TULP4: variants seen among roughly 807,000 people sequenced by gnomAD.
TULP4 encodes tubby-related protein 4.
A neutral mutation model predicts 129.0 loss-of-function variants in TULP4; 16 were observed. The observed-to-expected ratio is 0.12, with a 90% confidence interval of 0.08 to 0.19. The LOEUF (loss-of-function observed/expected upper bound fraction) is 0.19, where lower values mean the gene tolerates loss of function less well. Ranked by LOEUF, TULP4 falls within the 10% of genes least tolerant of loss-of-function variation. The pLI is 1.00. For missense variants in TULP4, 1,842 were observed against 2,059.1 expected (o/e 0.89, Z 2.04); for synonymous variants, 998 against 854.0 (o/e 1.17, Z -2.94).
At chr6:158,263,781 G>A (rs1778394156) in intron 1 of TULP4, among the ~76,000 whole-genome samples, 1 of 151,712 alleles carries the variant, frequency 6.6e-6, no homozygotes, top group Non-Finnish European at 1.5e-5. Flanking sequence ...AGCAACAACA[G>A]GCTGGGCGCG....
chr6:158,307,723 C>T (rs1269954750), upstream of TULP4, among the ~76,000 whole-genome samples: 2 of 152,080 alleles, frequency 1.3e-5, no homozygotes, highest in African/African-American at 4.8e-5. Flanking sequence ...CCTCTGGTGA[C>T]CCCCGCCTTG....
chr6:158,426,103 C>T (rs532906987), intron 2 of TULP4, among the ~76,000 whole-genome samples: 1 of 152,168 alleles, frequency 6.6e-6, no homozygotes, highest in African/African-American at 2.4e-5. Flanking sequence ...TTTAAGTATC[C>T]TTATAGATGC....
chr6:158,332,166 T>A (rs1355667730), intron 1 of TULP4, among the ~76,000 whole-genome samples: 1 of 48,702 alleles, frequency 2.1e-5, no homozygotes, highest in South Asian at 9.8e-4. Context: ...AGTAAGACTC[T>A]GTCAAAAAAA....
rs1402596308 is a variant in TULP4, at chr6:158,479,803, C to T, written c.1079C>T (p.Ala360Val). 1.2e-6 allele frequency: 2 copies of T among 1,614,020 alleles called. No homozygotes were observed. Among genetic ancestry groups the T allele is most frequent in the Non-Finnish European group, 1.7e-6 (2 of 1,180,016 alleles). ...CACCGGGATTCGAGGCTGTTGATGGCATCAGGACCAGCCCTGTACGTGGTG... is the reference window on the plus strand; with the variant it reads ...CACCGGGATTCGAGGCTGTTGATGGTATCAGGACCAGCCCTGTACGTGGTG... ...WGHRDSRLLM[A>V]SGPALYVVRV... The change falls in exon 7 of 14, where the codon GCA becomes GTA. Residue 360 changes from alanine (A) to valine (V), a missense_variant. Physicochemically the swap from Ala to Val is moderately conservative, Grantham distance 64 (BLOSUM62 0). Around this residue, in one of 5 missense-constraint regions of TULP4, gnomAD observed 456 missense variants for 534.3 expected, o/e 0.85. Coordinates refer to ENST00000367097, the MANE Select transcript of TULP4 (RefSeq NM_020245.5).
intron 2 of TULP4, among the ~76,000 whole-genome samples, chr6:158,415,466 C>T (rs1163552495): frequency 6.6e-6 from 1 of 150,652 alleles, no homozygotes; most frequent in Non-Finnish European, 1.5e-5. Flanking sequence ...TCTCCTGCTT[C>T]AGCCTCCTGA....
At chr6:158,258,403 A>G (rs193211666) in intron 1 of TULP4, among the ~76,000 whole-genome samples, 13 of 152,274 alleles carry the variant, frequency 8.5e-5, no homozygotes, top group Admixed American at 3.3e-4. Flanking sequence ...TGTTTTTCAT[A>G]TTATGACCCA....
chr6:158,242,565 C>A, intron 1 of TULP4: 2 of 737,662 alleles, frequency 2.7e-6, no homozygotes, highest in South Asian at 1.5e-5. Context: ...CCTGTACTCG[C>A]AATATGCCTT....
At chr6:158,478,986 G>T (rs550744026) in intron 6 of TULP4, among the ~76,000 whole-genome samples, 9 of 152,258 alleles carry the variant, frequency 5.9e-5, no homozygotes, top group African/African-American at 2.2e-4. Context: ...TGCAGTGACT[G>T]TGGGTTATAT....
intron 1 of TULP4, among the ~76,000 whole-genome samples, chr6:158,241,547 G>A (rs1056634898): frequency 5.9e-5 from 9 of 152,046 alleles, no homozygotes; most frequent in Admixed American, 2.0e-4. Context: ...GCTGGAGACC[G>A]CCCGGCCAAT....
chr6:158,451,680 A>G (rs1349153273), intron 4 of TULP4, among the ~76,000 whole-genome samples: 1 of 152,234 alleles, frequency 6.6e-6, no homozygotes, highest in Non-Finnish European at 1.5e-5. Context: ...GTAACATTCA[A>G]TGAAAGAGGA....
intron 3 of TULP4, among the ~76,000 whole-genome samples, chr6:158,444,061 A>T (rs1778968958): frequency 6.6e-6 from 1 of 151,484 alleles, no homozygotes; most frequent in Admixed American, 6.6e-5. Flanking sequence ...CTACTAAAAA[A>T]TACAAAAAAT....
chr6:158,453,210 G>A (rs1779202865), intron 5 of TULP4, among the ~76,000 whole-genome samples: 1 of 152,134 alleles, frequency 6.6e-6, no homozygotes, highest in African/African-American at 2.4e-5. Context: ...GCTCATGCCT[G>A]TAATCCCGGC....
chr6:158,401,080 G>T (rs112654393), intron 1 of TULP4, among the ~76,000 whole-genome samples: 9 of 143,200 alleles, frequency 6.3e-5, no homozygotes, highest in Non-Finnish European at 9.2e-5. Context: ...TGTTGTTGTT[G>T]TTGTTTTGTT....
At chr6:158,445,178 C>T (rs762637800) in intron 3 of TULP4, among the ~76,000 whole-genome samples, 2 of 152,126 alleles carry the variant, frequency 1.3e-5, no homozygotes, top group African/African-American at 2.4e-5. Flanking sequence ...CCAAACCCAG[C>T]GAGGCAGCCA....
intron 1 of TULP4, among the ~76,000 whole-genome samples, chr6:158,321,577 C>T (rs980242044): frequency 1.2e-4 from 19 of 152,162 alleles, no homozygotes; most frequent in African/African-American, 4.6e-4. Context: ...ACTGTTTCCC[C>T]ATTTTAGTAG....
In TULP4 at chr6:158,276,124, C is replaced by T. The variant is rs182443295; in HGVS notation, n.69-35927C>T. ...AGCTGGGATTACAGGTGCGCGCCAC[C>T]ATGCCCGGCTAGTTTTTGTGTTTTT... On this transcript the variant is annotated intron_variant and non_coding_transcript_variant, in intron 1 of 1. Coordinates refer to the TULP4 transcript ENST00000620026. Among the ~76,000 whole-genome samples the T allele has an allele frequency of 3.6e-3, 554 of 152,160 alleles. 1 individual carries two copies. The highest frequency in any genetic ancestry group is 6.8e-3 in the Middle Eastern group (2 of 294).
At chr6:158,472,064 ATCC>A (rs1403247471) in intron 6 of TULP4, among the ~76,000 whole-genome samples, 1 of 152,138 alleles carries the variant, frequency 6.6e-6, no homozygotes, top group Non-Finnish European at 1.5e-5. Context: ...CAGGAATTGG[ATCC>A]TCCTCAGTGC....
chr6:158,430,267 CA>C (rs1242751735), intron 3 of TULP4, among the ~76,000 whole-genome samples: 1 of 151,922 alleles, frequency 6.6e-6, no homozygotes, highest in South Asian at 2.1e-4. Flanking sequence ...CGTAAGACAA[CA>C]AAGAAGCCCA....
rs145882252 is a variant in TULP4, at chr6:158,494,010, G to C, written c.1776+293G>C. Reference sequence around the variant, plus strand: ...CCTGCCTTTCCCTCCTGGTCCCTCAGTGCCCCCTCACCCTCCGGGTGCTGC... The same window carrying C: ...CCTGCCTTTCCCTCCTGGTCCCTCACTGCCCCCTCACCCTCCGGGTGCTGC... On this transcript the variant is annotated intron_variant, in intron 10 of 13. Transcript: ENST00000367097. 1.6e-3 allele frequency among the ~76,000 whole-genome samples: 251 copies of C among 152,170 alleles called. 1 individual carries two copies. Among genetic ancestry groups the C allele is most frequent in the Non-Finnish European group, 3.0e-3 (203 of 67,992 alleles).
Sources: gnomAD v4.1 joint callset for allele counts (sites outside exome capture counted in the v4.1 genomes callset) on GRCh38, gnomAD v4.1.1 for gene constraint, gnomAD v4.1.1 regional missense constraint, MANE v1.5 for transcripts, NCBI Gene and HGNC (gene_info 2026-07-23, HGNC 2026-07-21) for gene names.